The following DLGAP4 variants were observed in gnomAD, a reference collection of about 807,000 sequenced individuals.
DLGAP4 encodes DLG associated protein 4, also known as disks large-associated protein 4.
A neutral mutation model predicts 86.9 loss-of-function variants in DLGAP4; 18 were observed. The observed-to-expected ratio is 0.21, with a 90% CI of 0.14 to 0.31. The LOEUF is 0.31. Ranked by LOEUF, DLGAP4 falls within the 10% of genes least tolerant of loss-of-function variation. The pLI is 1.00. For synonymous variants in DLGAP4, 548 were observed against 574.3 expected, an observed-to-expected ratio of 0.95 and a Z score of 0.65; for missense variants, 1,085 against 1,362.6, an observed-to-expected ratio of 0.80 and a Z score of 3.21.
intron 1 of DLGAP4, among the ~76,000 whole-genome samples, chr20:36,355,286 CT>C (rs1555893751): frequency 1.4e-5 from 2 of 143,906 alleles, no homozygotes; most frequent in African/African-American, 5.7e-5. Flanking sequence ...GTTCTTTTTT[CT>C]TTCTTTCTTT....
intron 1 of DLGAP4, among the ~76,000 whole-genome samples, chr20:36,312,332 T>G (rs1427752002): frequency 6.6e-6 from 1 of 152,124 alleles, no homozygotes; most frequent in Non-Finnish European, 1.5e-5. Flanking sequence ...GCCCTCAATA[T>G]GCACATGCAC....
chr20:36,502,235 G>A (rs2036176947), intron 10 of DLGAP4, among the ~76,000 whole-genome samples: 1 of 152,114 alleles, frequency 6.6e-6, no homozygotes, highest in Admixed American at 6.5e-5. Context: ...ATTGTTTATT[G>A]CAGAGCCTAA....
chr20:36,462,172 A>G (rs1569507045), intron 7 of DLGAP4: 3 of 1,047,680 alleles, frequency 2.9e-6, no homozygotes, highest in Non-Finnish European at 3.4e-6. Context: ...GGGAGCTCCT[A>G]GGTCCCAAGT....
At chr20:36,348,241 G>A (rs564868581) in intron 1 of DLGAP4, among the ~76,000 whole-genome samples, 49 of 152,314 alleles carry the variant, frequency 3.2e-4, no homozygotes, top group Non-Finnish European at 5.3e-4. Flanking sequence ...GAGATATGGG[G>A]GGACAATTAG....
Position 36,496,908 on chromosome 20 carries a change from C to T in DLGAP4, c.1852C>T (p.Pro618Ser), listed in dbSNP as rs867125067. 2 of 1,614,236 alleles carry T rather than the reference C, an allele frequency of 1.2e-6. No individual in the cohort carries two copies. The highest frequency in any genetic ancestry group is 1.7e-6 in the Non-Finnish European group (2 of 1,180,050). The change falls in exon 8 of 13, where the codon CCG becomes TCG. Residue 618 changes from proline (P) to serine (S), a missense_variant. Pro to Ser is a moderately conservative substitution (Grantham distance 74, BLOSUM62 -1). Around this residue, in one of 2 missense-constraint regions of DLGAP4, gnomAD observed 1,082 missense variants for 1,344.1 expected, o/e 0.81. Transcript: ENST00000339266. The part of the protein sequence containing the change: ...SSDSLDSSTR[P>S]PSVTRGGVAP... ...GGACAGCCTGGACAGCAGTACCCGA[C>T]CGCCCAGCGTGACACGGGGTGGAGT...
At chr20:36,391,783 A>G (rs2031792279) in intron 2 of DLGAP4, among the ~76,000 whole-genome samples, 1 of 152,140 alleles carries the variant, frequency 6.6e-6, no homozygotes, top group Non-Finnish European at 1.5e-5. Context: ...GGCCTGGCAG[A>G]GGAGCTTCTG....
At chr20:36,498,508 C>G (rs1008039484) in intron 8 of DLGAP4, 1 of 152,358 alleles carries the variant, frequency 6.6e-6, no homozygotes, top group African/African-American at 2.4e-5. Context: ...GATAAGGACT[C>G]TCTTAGGCCT....
At chr20:36,427,692 C>T (rs2033014970) in intron 2 of DLGAP4, among the ~76,000 whole-genome samples, 1 of 152,004 alleles carries the variant, frequency 6.6e-6, no homozygotes, top group Admixed American at 6.6e-5. Context: ...CCTGTAATCC[C>T]AGCATTTTGG....
chr20:36,406,854 C>T (rs1202904735), intron 2 of DLGAP4, among the ~76,000 whole-genome samples: 3 of 152,064 alleles, frequency 2.0e-5, no homozygotes, highest in African/African-American at 4.8e-5. Flanking sequence ...CCCCACATTG[C>T]GCAGACAGGG....
intron 7 of DLGAP4, among the ~76,000 whole-genome samples, chr20:36,478,668 G>A (rs2035051063): frequency 6.6e-6 from 1 of 152,202 alleles, no homozygotes; most frequent in Non-Finnish European, 1.5e-5. Flanking sequence ...GAATGTATGT[G>A]TCAGTCTTGC....
chr20:36,433,650 T>TTA (rs1215209399), intron 3 of DLGAP4, among the ~76,000 whole-genome samples: 2 of 141,036 alleles, frequency 1.4e-5, no homozygotes, highest in African/African-American at 2.6e-5. Context: ...TGAGTATTTC[T>TTA]TTTTTTTTTT....
chr20:36,320,952 C>G (rs2065162017), intron 1 of DLGAP4, among the ~76,000 whole-genome samples: 1 of 152,236 alleles, frequency 6.6e-6, no homozygotes, highest in African/African-American at 2.4e-5. Context: ...ACTTTGTCCC[C>G]TGTGTAGTCA....
intron 2 of DLGAP4, among the ~76,000 whole-genome samples, chr20:36,390,507 G>T (rs1354790903): frequency 6.6e-6 from 1 of 152,074 alleles, no homozygotes; most frequent in Non-Finnish European, 1.5e-5. Context: ...CTGCCACATG[G>T]TGTCCCCCTA....
intron 2 of DLGAP4, among the ~76,000 whole-genome samples, chr20:36,430,944 G>T (rs1192188437): frequency 7.6e-6 from 1 of 131,818 alleles, no homozygotes; most frequent in African/African-American, 2.8e-5. Flanking sequence ...AACAGAGTGA[G>T]ACTCTGTCTC....
At chr20:36,496,392 C>A (rs186783630) in intron 7 of DLGAP4, among the ~76,000 whole-genome samples, 1 of 152,210 alleles carries the variant, frequency 6.6e-6, no homozygotes, top group Non-Finnish European at 1.5e-5. Flanking sequence ...CGTGGCCCCA[C>A]GCACTTCACC....
rs768469954 is a variant in DLGAP4 at position 36,496,945 on chromosome 20, C to T, written c.1889C>T (p.Pro630Leu). The T allele has an allele frequency of 1.2e-6, 2 of 1,614,178 alleles. No individual in the cohort carries two copies. Among genetic ancestry groups the T allele is most frequent in the South Asian group, 2.2e-5 (2 of 91,086 alleles). The change falls in exon 8 of 13, where the codon CCT (proline) becomes CTT (leucine). Residue 630 changes from proline to leucine, a missense_variant. Physicochemically the swap from Pro to Leu is moderately conservative, Grantham distance 98. Around this residue, in one of 2 missense-constraint regions of DLGAP4, gnomAD observed 1,082 missense variants for 1,344.1 expected, o/e 0.81. Transcript: ENST00000339266. Reference protein sequence around the residue: ...SVTRGGVAPAPEAPEPPPKHA... With the variant: ...SVTRGGVAPALEAPEPPPKHA... The stretch of plus-strand genomic sequence containing the variant: ...ACACGGGGTGGAGTCGCCCCAGCCC[C>T]TGAGGCCCCAGAGCCACCCCCAAAA...
rs2031862967 is a variant in DLGAP4 at position 36,393,909 on chromosome 20, C to T, written c.-73+26634C>T. Among the ~76,000 whole-genome samples, 2 of 152,130 alleles carry T rather than the reference C, an allele frequency of 1.3e-5. No homozygotes were observed. The highest frequency in any genetic ancestry group is 3.9e-4 in the East Asian group (2 of 5,184). On this transcript the variant is annotated intron_variant, in intron 2 of 12. Coordinates refer to ENST00000339266, the MANE Select transcript of DLGAP4 (RefSeq NM_001365621.2). The surrounding 1 kb of genome is among the most constrained non-coding windows in gnomAD (Gnocchi z 4.4). ...CTGAGGAGGGGGCTCAGGGACTCAT[C>T]CCTCGCCTGCCCACAGAATGCGCCC...
chr20:36,462,369 A>G (rs2034127310), intron 7 of DLGAP4: 3 of 1,385,180 alleles, frequency 2.2e-6, no homozygotes, highest in Middle Eastern at 1.9e-4. Context: ...GTGCCCCCAC[A>G]TCTGTCTCGG....
intron 7 of DLGAP4, chr20:36,461,701 C>A: frequency 4.4e-6 from 3 of 679,196 alleles, no homozygotes; most frequent in Non-Finnish European, 5.3e-6. Context: ...CCCGCCCTCG[C>A]CCTCCTCCTC....
Sources: gnomAD v4.1 joint callset for allele counts (sites outside exome capture counted in the v4.1 genomes callset) on GRCh38, gnomAD v4.1.1 for gene constraint, gnomAD v4.1.1 regional missense constraint, Gnocchi (gnomAD v3.1) non-coding constraint, MANE v1.5 for transcripts, NCBI Gene and HGNC (gene_info 2026-07-23, HGNC 2026-07-21) for gene names.